The following METTL2B variants were observed in gnomAD, a reference collection of about 807,000 sequenced individuals.
METTL2B encodes methyltransferase 2B, tRNA N3-cytidine.
Under a neutral mutation model 51.0 loss-of-function variants are expected in METTL2B, and 28 were observed. The observed-to-expected ratio is 0.55, with a 90% CI of 0.41 to 0.75. METTL2B has a LOEUF of 0.75. Among genes scored for constraint, METTL2B ranks in the 30% least tolerant of loss-of-function variants. METTL2B has a pLI of 0.00. For missense variants in METTL2B, 313 were observed against 460.7 expected (o/e 0.68, Z 2.93); for synonymous variants, 128 against 166.3 (o/e 0.77, Z 1.77).
intron 5 of METTL2B, among the ~76,000 whole-genome samples, chr7:128,491,371 A>G (rs1452927283): frequency 2.0e-5 from 3 of 151,986 alleles, no homozygotes; most frequent in Non-Finnish European, 4.4e-5. Flanking sequence ...TAAGACGGGC[A>G]GATCATCTGA....
chr7:128,501,247 C>G, intron 8 of METTL2B: 2 of 985,434 alleles, frequency 2.0e-6, no homozygotes, highest in South Asian at 9.4e-5. Context: ...CTGCAAGGCT[C>G]ACCTCCAGTC....
intron 8 of METTL2B, chr7:128,501,371 G>T (rs750433866): frequency 4.8e-5 from 47 of 985,304 alleles, no homozygotes; most frequent in Non-Finnish European, 5.2e-5. Flanking sequence ...CCATCCACAG[G>T]CTTCATCCTT....
At chr7:128,498,173 A>G (rs1792959806) in intron 7 of METTL2B, 31 bp downstream of exon 7, 3 of 1,607,674 alleles carry the variant, frequency 1.9e-6, no homozygotes, top group Non-Finnish European at 2.6e-6. Context: ...CCTAACCACT[A>G]GAGATCATGT....
rs563794958 is a variant in METTL2B, at chr7:128,497,395, C to T, written c.810-641C>T. On this transcript the variant is annotated intron_variant, in intron 6 of 8. Transcript: ENST00000262432. ...CAGAACCCACTGGATGCTCAGGATT[C>T]GGCTTAGCCACAGGAGCACAGGGCA... Among the ~76,000 whole-genome samples the T allele has an allele frequency of 6.6e-5, 10 of 152,316 alleles. No homozygotes were observed. In the South Asian group the frequency reaches 1.9e-3, roughly 28 times the overall value.
At position 128,505,819 on chromosome 7, in the gene METTL2B, A is replaced by T. The variant is rs111692840; in HGVS notation, c.*3903A>T. 6.6e-6 allele frequency: 1 copy of T among 151,840 alleles called. No individual in the cohort carries two copies. Among genetic ancestry groups the T allele is most frequent in the Admixed American group, 6.6e-5 (1 of 15,196 alleles). 9.4% of individuals were successfully genotyped at this position (151,840 alleles called of 1,614,324 possible). On this transcript the variant is annotated 3_prime_UTR_variant, in exon 9 of 9. Transcript: ENST00000262432. ...CTCAATATGGACCCATGGGTATTTG[A>T]GTTTCTTGTGGGGTTATTTGTTGTT...
chr7:128,491,032 G>A (rs1357910219), intron 5 of METTL2B, among the ~76,000 whole-genome samples: 1 of 151,404 alleles, frequency 6.6e-6, no homozygotes, highest in Non-Finnish European at 1.5e-5. Flanking sequence ...ATGGTGGCAC[G>A]CACCTGTAGT....
chr7:128,506,328 GCA>G lies in METTL2B; in HGVS notation c.*4415_*4416del, dbSNP rs772962697. 2.0e-5 allele frequency: 3 copies of G among 152,032 alleles called. No individual in the cohort carries two copies. Among genetic ancestry groups the G allele is most frequent in the East Asian group, 3.8e-4 (2 of 5,196 alleles). 9.4% of individuals were successfully genotyped at this position (152,032 alleles called of 1,614,324 possible). ...TCCCTAAAGCATTGCAAAACTATAGGCACAGTTTTTATTTTATCTTTCTGGCA... is the reference window on the plus strand; with the variant it reads ...TCCCTAAAGCATTGCAAAACTATAGGCAGTTTTTATTTTATCTTTCTGGCA... On this transcript the variant is annotated 3_prime_UTR_variant, in exon 9 of 9. Coordinates refer to ENST00000262432, the MANE Select transcript of METTL2B (RefSeq NM_018396.3).
At chr7:128,500,023 G>A (rs974690838) in intron 7 of METTL2B, among the ~76,000 whole-genome samples, 2 of 152,156 alleles carry the variant, frequency 1.3e-5, no homozygotes, top group East Asian at 1.9e-4. Flanking sequence ...TCAGTGAGAG[G>A]AGAGCAATGT....
In METTL2B at chr7:128,498,046, G is replaced by C. The variant is rs752960141; in HGVS notation, c.820G>C (p.Ala274Pro). The C allele has an allele frequency of 6.2e-6, 10 of 1,613,814 alleles. No homozygotes were observed. The South Asian group carries it at 1.1e-4, about 18-fold the overall frequency. The change falls in exon 7 of 9, where the codon GCT becomes CCT. Residue 274 changes from alanine to proline, a missense_variant. This residue lies in a region of METTL2B where 138 missense variants were observed against 187.6 expected (regional missense o/e 0.74). Coordinates refer to ENST00000262432, the MANE Select transcript of METTL2B (RefSeq NM_018396.3). Reference sequence around the variant, plus strand: ...CCTGTGTCTCCACAGGATGCAGAAGGCTATCAACAGGCTGAGCAGGCTTCT... The same window carrying C: ...CCTGTGTCTCCACAGGATGCAGAAGCCTATCAACAGGCTGAGCAGGCTTCT... ...SAVVPDKMQKAINRLSRLLKP... is the reference protein window; with the variant it reads ...SAVVPDKMQKPINRLSRLLKP...
chr7:128,492,752 G>A (rs1176286592), intron 5 of METTL2B, among the ~76,000 whole-genome samples: 1 of 151,908 alleles, frequency 6.6e-6, no homozygotes, highest in Non-Finnish European at 1.5e-5. Flanking sequence ...GAGTAGCTGG[G>A]ACTACAGGCA....
At chr7:128,487,361 C>G (rs1792737653) in intron 4 of METTL2B, among the ~76,000 whole-genome samples, 1 of 152,186 alleles carries the variant, frequency 6.6e-6, no homozygotes, top group African/African-American at 2.4e-5. Context: ...AGCATACAGC[C>G]TTCCTCCTCT....
intron 5 of METTL2B, 127 bp from the exon 6 acceptor site, chr7:128,493,677 A>G (rs1792874838): frequency 1.0e-5 from 14 of 1,387,726 alleles, no homozygotes; most frequent in Non-Finnish European, 1.3e-5. Flanking sequence ...AAGAAAAAAA[A>G]GAAAAAAGAA....
Position 128,498,043 on chromosome 7 carries a change from A to G in METTL2B, c.817A>G (p.Lys273Glu), listed in dbSNP as rs778630920. The G allele has an allele frequency of 6.2e-7, 1 of 1,613,552 alleles. No homozygotes were observed. The highest frequency in any genetic ancestry group is 1.3e-5 in the African/African-American group (1 of 74,878). Residue 273 changes from lysine (K) to glutamate (E), a missense_variant, in exon 7 of 9, where the codon AAG becomes GAG. Lys to Glu is a moderately conservative substitution (Grantham distance 56). Coordinates refer to ENST00000262432, the MANE Select transcript of METTL2B (RefSeq NM_018396.3). ...TTCCCTGTGTCTCCACAGGATGCAG[A>G]AGGCTATCAACAGGCTGAGCAGGCT... Reference protein sequence around the residue: ...LSAVVPDKMQKAINRLSRLLK... With the variant: ...LSAVVPDKMQEAINRLSRLLK...
At chr7:128,496,760 CTTTGTTTGTTTG>C (rs68069472) in intron 6 of METTL2B, among the ~76,000 whole-genome samples, 2,099 of 149,078 alleles carry the variant, frequency 0.014, 56 homozygotes, top group African/African-American at 0.049. Context: ...GCTGCTTTTT[CTTTGTTTGTTTG>C]TTTGTTTGTT....
intron 4 of METTL2B, among the ~76,000 whole-genome samples, chr7:128,484,893 T>C (rs1792672078): frequency 6.6e-6 from 1 of 152,114 alleles, no homozygotes; most frequent in South Asian, 2.1e-4. Flanking sequence ...AATACAGTGG[T>C]TTTAAGTTAA....
At chr7:128,488,269 AC>A (rs2116852796) in intron 5 of METTL2B, 108 bp downstream of exon 5, 1 of 1,316,298 alleles carries the variant, frequency 7.6e-7, no homozygotes, top group South Asian at 1.2e-5. Flanking sequence ...CTGTGTTCTT[AC>A]GGTCTAAAAG....
At chr7:128,495,553 C>G (rs1466455260) in intron 6 of METTL2B, among the ~76,000 whole-genome samples, 1 of 152,020 alleles carries the variant, frequency 6.6e-6, no homozygotes, top group Non-Finnish European at 1.5e-5. Flanking sequence ...CAGGTTAAAG[C>G]GATTCTCCTG....
intron 6 of METTL2B, among the ~76,000 whole-genome samples, chr7:128,495,157 A>G (rs1462003173): frequency 6.7e-6 from 1 of 148,546 alleles, no homozygotes; most frequent in Non-Finnish European, 1.5e-5. Context: ...TCCTGACCTC[A>G]TGATCCGCCT....
chr7:128,492,908 G>A (rs190785110), intron 5 of METTL2B, among the ~76,000 whole-genome samples: 163 of 151,742 alleles, frequency 1.1e-3, no homozygotes, highest in African/African-American at 3.5e-3. Flanking sequence ...GAGCCACTGC[G>A]TGCTTATTTA....
Sources: gnomAD v4.1 joint callset for allele counts (sites outside exome capture counted in the v4.1 genomes callset) on GRCh38, gnomAD v4.1.1 for gene constraint, gnomAD v4.1.1 regional missense constraint, MANE v1.5 for transcripts, NCBI Gene and HGNC (gene_info 2026-07-23, HGNC 2026-07-21) for gene names.